PLA2R1: variants seen among roughly 807,000 people sequenced by gnomAD.
PLA2R1 encodes phospholipase A2 receptor 1.
PLA2R1 carries 158 observed loss-of-function variants against 195.9 expected under a neutral mutation model. The ratio of observed to expected loss-of-function variants is 0.81; its 90% CI spans 0.71 to 0.92. The LOEUF is 0.92. Among genes scored for constraint, PLA2R1 ranks in the 40% least tolerant of loss-of-function variants. The pLI is 0.00. For synonymous variants in PLA2R1, 586 were observed against 598.2 expected, an observed-to-expected ratio of 0.98 and a Z score of 0.30; for missense variants, 1,626 against 1,764.6, an observed-to-expected ratio of 0.92 and a Z score of 1.41.
chr2:160,021,856 C>T (rs938870473), intron 7 of PLA2R1, among the ~76,000 whole-genome samples: 2 of 152,044 alleles, frequency 1.3e-5, no homozygotes, highest in African/African-American at 4.8e-5. Context: ...AATGGAGTTG[C>T]TGCAAAAGTA....
chr2:159,941,663 T>C lies in PLA2R1; in HGVS notation c.*115A>G, dbSNP rs943843633. 7.8e-5 allele frequency: 48 copies of C among 617,100 alleles called. 1 individual carries two copies. In the Admixed American group the frequency reaches 1.3e-3, roughly 17 times the overall value. 38.2% of individuals were successfully genotyped at this position (617,100 alleles called of 1,614,324 possible). On this transcript the variant is annotated 3_prime_UTR_variant, in exon 30 of 30. Transcript: ENST00000283243. Reference sequence around the variant, plus strand: ...GTAATCACTTCAAGAATAATTAAAATAGTGACCCAATTCACATTCTAATGG... The same window carrying C: ...GTAATCACTTCAAGAATAATTAAAACAGTGACCCAATTCACATTCTAATGG...
chr2:159,983,453 CTT>C (rs3062423), intron 13 of PLA2R1, among the ~76,000 whole-genome samples: 24,975 of 139,996 alleles, frequency 0.18, 4,899 homozygotes, highest in African/African-American at 0.49. Flanking sequence ...TACTGGGACT[CTT>C]TTTTTTTTTT....
intron 7 of PLA2R1, among the ~76,000 whole-genome samples, chr2:160,020,601 G>A (rs746982135): frequency 6.6e-6 from 1 of 152,064 alleles, no homozygotes; most frequent in South Asian, 2.1e-4. Context: ...TCATGGGAAT[G>A]GTACTGGTGG....
chr2:160,026,990 G>A (rs1398371268), intron 6 of PLA2R1, among the ~76,000 whole-genome samples: 3 of 152,126 alleles, frequency 2.0e-5, no homozygotes, highest in Admixed American at 6.5e-5. Context: ...AAAATTAGCC[G>A]GGCGTGGTGG....
intron 1 of PLA2R1, among the ~76,000 whole-genome samples, chr2:160,057,137 A>G (rs1207543221): frequency 6.6e-6 from 1 of 152,206 alleles, no homozygotes; most frequent in Admixed American, 6.5e-5. Flanking sequence ...TAGGAAATTA[A>G]GGGACTCTTC....
At chr2:159,930,735 G>A (rs1279208697), downstream of PLA2R1, among the ~76,000 whole-genome samples, 1 of 152,116 alleles carries the variant, frequency 6.6e-6, no homozygotes, top group Non-Finnish European at 1.5e-5. Context: ...GGATGTCCTT[G>A]GAACCCTAAA....
intron 6 of PLA2R1, among the ~76,000 whole-genome samples, chr2:160,023,416 AT>A (rs1693276132): frequency 6.6e-6 from 1 of 152,208 alleles, no homozygotes; most frequent in African/African-American, 2.4e-5. Flanking sequence ...ATGTATTAGC[AT>A]GCTAAAAGAC....
rs535295178 is a variant in PLA2R1 at position 159,937,491 on chromosome 2, G to T, written c.*4287C>A. ...GCCAAATAAAAAAAACTTCAGAAAA[G>T]GTCTGAATTCATTTTTCAGTTCAAA... is the stretch of plus-strand genomic sequence containing the variant. On this transcript the variant is annotated 3_prime_UTR_variant, in exon 30 of 30. Transcript: ENST00000283243. The T allele has an allele frequency of 1.3e-5, 2 of 152,214 alleles. No individual in the cohort carries two copies. The highest frequency in any genetic ancestry group is 4.8e-5 in the African/African-American group (2 of 41,530). 9.4% of individuals were successfully genotyped at this position (152,214 alleles called of 1,614,324 possible).
chr2:160,045,246 T>C (rs1220868475), intron 1 of PLA2R1, 89 bp from the exon 2 acceptor site: 15 of 993,226 alleles, frequency 1.5e-5, no homozygotes, highest in Middle Eastern at 2.2e-4. Flanking sequence ...CTAAGTGCGA[T>C]ATGCGACAGT....
intron 1 of PLA2R1, among the ~76,000 whole-genome samples, chr2:160,054,279 T>C (rs929447587): frequency 1.3e-5 from 2 of 152,148 alleles, no homozygotes; most frequent in Admixed American, 6.5e-5. Context: ...TTACAAAAAG[T>C]TTAAATTTTA....
intron 24 of PLA2R1, among the ~76,000 whole-genome samples, chr2:159,951,070 T>G (rs1352478334): frequency 6.6e-6 from 1 of 152,190 alleles, no homozygotes; most frequent in Non-Finnish European, 1.5e-5. Context: ...TCGGGGTACT[T>G]GGAAATTTTC....
intron 1 of PLA2R1, among the ~76,000 whole-genome samples, chr2:160,052,886 A>G (rs1323392438): frequency 2.6e-5 from 4 of 152,226 alleles, no homozygotes; most frequent in African/African-American, 7.2e-5. Context: ...TTAAAAGAAA[A>G]ATCATTTACT....
the PLA2R1 span, among the ~76,000 whole-genome samples, chr2:159,925,199 A>AC: frequency 0.023 from 3,530 of 151,270 alleles, 189 homozygotes; most frequent in East Asian, 0.2. Flanking sequence ...AAAAAAAAAC[A>AC]AACAAACAAT....
intron 11 of PLA2R1, among the ~76,000 whole-genome samples, chr2:159,997,729 T>C (rs1691312025): frequency 6.6e-6 from 1 of 152,098 alleles, no homozygotes; most frequent in African/African-American, 2.4e-5. Context: ...GCTCATGGGT[T>C]TCTGATCCAG....
rs567410290 is a variant in PLA2R1, at chr2:159,934,604, A to C, written c.*7174T>G. On this transcript the variant is annotated 3_prime_UTR_variant, in exon 30 of 30. Coordinates refer to ENST00000283243, the MANE Select transcript of PLA2R1 (RefSeq NM_007366.5). ...AGGATGCAATTTTCAGAATATTATA[A>C]ATAACAACATGTAAAAATAAAAGTG... The C allele has an allele frequency of 6.6e-6, 1 of 152,286 alleles. No homozygotes were observed. The highest frequency in any genetic ancestry group is 2.1e-4 in the South Asian group (1 of 4,832). 9.4% of individuals were successfully genotyped at this position (152,286 alleles called of 1,614,324 possible). A position where few individuals can be genotyped will look rare whatever the true frequency, so the allele number is the denominator to read the frequency against.
At chr2:160,054,670 T>C (rs1465573584) in intron 1 of PLA2R1, among the ~76,000 whole-genome samples, 1 of 152,258 alleles carries the variant, frequency 6.6e-6, no homozygotes, top group Non-Finnish European at 1.5e-5. Flanking sequence ...ATTCTAATCA[T>C]AATTTTCTAA....
At chr2:159,983,519 G>A (rs1403482316) in intron 13 of PLA2R1, among the ~76,000 whole-genome samples, 1 of 151,044 alleles carries the variant, frequency 6.6e-6, no homozygotes. Context: ...AATTAGCGGT[G>A]GAGCTGGTCA....
chr2:160,050,616 T>G (rs533755940), intron 1 of PLA2R1, among the ~76,000 whole-genome samples: 1 of 152,308 alleles, frequency 6.6e-6, no homozygotes, highest in African/African-American at 2.4e-5. Context: ...ACAACAAAGA[T>G]CTATCAACTG....
intron 13 of PLA2R1, among the ~76,000 whole-genome samples, chr2:159,981,159 T>C (rs1411146662): frequency 6.6e-6 from 1 of 152,132 alleles, no homozygotes; most frequent in Non-Finnish European, 1.5e-5. Context: ...ATTTACTTTC[T>C]CTTCATCAGT....
Sources: allele counts gnomAD v4.1 joint callset (sites outside exome capture counted in the v4.1 genomes callset), GRCh38; gene constraint gnomAD v4.1.1; transcripts MANE v1.5; gene names NCBI Gene and HGNC (gene_info 2026-07-23, HGNC 2026-07-21).